JAZF1: variants seen among roughly 807,000 people sequenced by gnomAD.
JAZF1 encodes the protein juxtaposed with another zinc finger protein 1.
In JAZF1, 8 loss-of-function variants were observed where a neutral mutation model predicts 26.4. The ratio of observed to expected loss-of-function variants is 0.30; its 90% CI spans 0.18 to 0.55. JAZF1 has a LOEUF of 0.55. JAZF1 is among the 20% of genes least tolerant of loss of function. JAZF1 has a pLI of 0.94. For missense variants in JAZF1, 199 were observed against 322.0 expected (o/e 0.62, Z 2.92); for synonymous variants, 126 against 122.3 (o/e 1.03, Z -0.20).
At chr7:27,847,635 C>A (rs1203767778) in intron 3 of JAZF1, among the ~76,000 whole-genome samples, 1 of 152,146 alleles carries the variant, frequency 6.6e-6, no homozygotes, top group East Asian at 1.9e-4. Flanking sequence ...TGGCTGATTT[C>A]ATCACAGTAC....
At position 27,862,240 on chromosome 7, in the gene JAZF1, G is replaced by A. The variant is rs186119491; in HGVS notation, c.386-21373C>T. On this transcript the variant is annotated intron_variant, in intron 3 of 4. Transcript: ENST00000283928. The stretch of plus-strand genomic sequence containing the variant: ...TTCAACTTTTATTTTAGATCTAGGG[G>A]GTACACATGCAGGTTTGTATATTGT... 1.6e-3 allele frequency among the ~76,000 whole-genome samples: 242 copies of A among 152,142 alleles called. 1 individual carries two copies. Among genetic ancestry groups the A allele is most frequent in the African/African-American group, 5.4e-3 (226 of 41,486 alleles).
intron 1 of JAZF1, among the ~76,000 whole-genome samples, chr7:28,136,189 T>C (rs576927736): frequency 6.6e-6 from 1 of 152,296 alleles, no homozygotes; most frequent in Non-Finnish European, 1.5e-5. Context: ...TGGGTATTTA[T>C]TATCTCAAAT....
chr7:27,966,697 G>C (rs1785281587), intron 2 of JAZF1, among the ~76,000 whole-genome samples: 1 of 152,136 alleles, frequency 6.6e-6, no homozygotes, highest in East Asian at 1.9e-4. Context: ...GGAAAAGGCA[G>C]GTTTTCTTTT....
chr7:28,113,082 A>G (rs906722594), intron 1 of JAZF1, among the ~76,000 whole-genome samples: 1 of 152,182 alleles, frequency 6.6e-6, no homozygotes, highest in Non-Finnish European at 1.5e-5. Context: ...ACCCGCCTCC[A>G]GTTCAGGGCA....
At chr7:28,066,076 G>T (rs1265393127) in intron 1 of JAZF1, among the ~76,000 whole-genome samples, 1 of 152,108 alleles carries the variant, frequency 6.6e-6, no homozygotes, top group Non-Finnish European at 1.5e-5. Flanking sequence ...CTAGAACCAA[G>T]AATTTAGGAA....
At chr7:27,895,778 C>T (rs1020947286) in intron 2 of JAZF1, among the ~76,000 whole-genome samples, 1 of 152,198 alleles carries the variant, frequency 6.6e-6, no homozygotes, top group Non-Finnish European at 1.5e-5. Flanking sequence ...CCTCAAAGTT[C>T]CCCAACCACT....
At chr7:28,009,072 C>T (rs1782751679) in intron 1 of JAZF1, among the ~76,000 whole-genome samples, 1 of 152,080 alleles carries the variant, frequency 6.6e-6, no homozygotes. Context: ...ATTTGGTAAA[C>T]CTTACTATCA....
intron 2 of JAZF1, among the ~76,000 whole-genome samples, chr7:27,926,633 T>C (rs1008117928): frequency 6.6e-6 from 1 of 152,212 alleles, no homozygotes; most frequent in African/African-American, 2.4e-5. Flanking sequence ...TCAATACAAA[T>C]GTTGTGTGAA....
chr7:27,860,324 G>A (rs1344199263), intron 3 of JAZF1, among the ~76,000 whole-genome samples: 2 of 152,190 alleles, frequency 1.3e-5, no homozygotes, highest in African/African-American at 4.8e-5. Flanking sequence ...AAATTTCCAA[G>A]AACCTCTTGA....
chr7:27,992,265 T>C (rs927546796), intron 1 of JAZF1: 2 of 511,116 alleles, frequency 3.9e-6, no homozygotes, highest in South Asian at 1.6e-5. Flanking sequence ...TTTTCACTGC[T>C]TACAGTTACA....
chr7:28,129,451 G>A (rs1782754799), intron 1 of JAZF1, among the ~76,000 whole-genome samples: 1 of 152,062 alleles, frequency 6.6e-6, no homozygotes, highest in South Asian at 2.1e-4. Flanking sequence ...GTGAACTGGG[G>A]CCCAAGAATC....
In JAZF1 at chr7:27,831,603, C is replaced by T. The variant is rs1293918951; in HGVS notation, c.*1197G>A. The T allele has an allele frequency of 4.4e-6, 1 of 225,904 alleles. No individual in the cohort carries two copies. Among genetic ancestry groups the T allele is most frequent in the East Asian group, 6.4e-5 (1 of 15,620 alleles). The allele number at this position is 225,904 out of a possible 1,614,324, so 14.0% of individuals were successfully genotyped here. A position where few individuals can be genotyped will look rare whatever the true frequency, so the allele number is the denominator to read the frequency against. Reference sequence around the variant, plus strand: ...GAAGCACTTAATTGTCAATAAGGCTCATTTTCCTATTTCAGCAAAGTGTTT... The same window carrying T: ...GAAGCACTTAATTGTCAATAAGGCTTATTTTCCTATTTCAGCAAAGTGTTT... On this transcript the variant is annotated 3_prime_UTR_variant, in exon 5 of 5. Coordinates refer to ENST00000283928, the MANE Select transcript of JAZF1 (RefSeq NM_175061.4).
At chr7:27,941,788 A>T (rs1784851767) in intron 2 of JAZF1, among the ~76,000 whole-genome samples, 1 of 152,220 alleles carries the variant, frequency 6.6e-6, no homozygotes. Flanking sequence ...ACAGCTAATT[A>T]TGATGCATCT....
chr7:28,055,517 T>TA (rs1438051704), intron 1 of JAZF1, among the ~76,000 whole-genome samples: 1 of 152,210 alleles, frequency 6.6e-6, no homozygotes, highest in Non-Finnish European at 1.5e-5. Context: ...CTTGGACTGT[T>TA]AAACATATGT....
chr7:27,888,523 A>C (rs1220431524), intron 3 of JAZF1, among the ~76,000 whole-genome samples: 4 of 152,194 alleles, frequency 2.6e-5, no homozygotes, highest in Admixed American at 1.3e-4. Context: ...CTAAATGCCA[A>C]GCAAAATTCT....
intron 1 of JAZF1, among the ~76,000 whole-genome samples, chr7:27,994,012 A>T (rs1322506763): frequency 3.9e-5 from 6 of 152,150 alleles, no homozygotes; most frequent in Non-Finnish European, 8.8e-5. Flanking sequence ...TCTTCTAAAG[A>T]TTTCTTTTTT....
chr7:28,039,098 A>G (rs763427957), intron 1 of JAZF1, among the ~76,000 whole-genome samples: 2 of 152,234 alleles, frequency 1.3e-5, no homozygotes, highest in African/African-American at 2.4e-5. Flanking sequence ...AAAAAGATTC[A>G]TGATTGCTCT....
chr7:27,973,358 T>C (rs1785412821), intron 2 of JAZF1, among the ~76,000 whole-genome samples: 1 of 152,112 alleles, frequency 6.6e-6, no homozygotes, highest in East Asian at 1.9e-4. Flanking sequence ...CAGGCTAGAG[T>C]GCAATTATAG....
chr7:27,882,061 G>T (rs1172701624), intron 3 of JAZF1, among the ~76,000 whole-genome samples: 1 of 152,150 alleles, frequency 6.6e-6, no homozygotes, highest in Non-Finnish European at 1.5e-5. Context: ...CAATGTCAGG[G>T]ACCGACTAAT....
Sources: allele counts gnomAD v4.1 joint callset (sites outside exome capture counted in the v4.1 genomes callset), GRCh38; gene constraint gnomAD v4.1.1; transcripts MANE v1.5; gene names NCBI Gene and HGNC (gene_info 2026-07-23, HGNC 2026-07-21).